DACH2: variants seen among roughly 807,000 people sequenced by gnomAD.
DACH2 encodes the protein dachshund family transcription factor 2.
DACH2 carries 17 observed loss-of-function variants against 35.8 expected under a neutral mutation model. That is an observed-to-expected ratio of 0.48 (90% CI 0.33 to 0.71). DACH2 has a LOEUF of 0.71. Among genes scored for constraint, DACH2 ranks in the 30% least tolerant of loss-of-function variants. The pLI, the probability that DACH2 is intolerant of heterozygous loss-of-function variation, is 0.02. For missense variants in DACH2, 469 were observed against 472.7 expected, an observed-to-expected ratio of 0.99 and a Z score of 0.07; for synonymous variants, 195 against 177.3, an observed-to-expected ratio of 1.10 and a Z score of -0.79.
intron 1 of DACH2, among the ~76,000 whole-genome samples, chrX:86,342,083 G>A (rs760525878): frequency 1.1e-4 from 12 of 111,926 alleles, no homozygotes; most frequent in Non-Finnish European, 2.1e-4. Context: ...TGAGAGGACT[G>A]AATCCAATTT....
intron 2 of DACH2, among the ~76,000 whole-genome samples, chrX:86,410,843 T>C (rs952502331): frequency 9.3e-6 from 1 of 107,050 alleles, no homozygotes; most frequent in Non-Finnish European, 1.9e-5. Context: ...TCATGTTCAC[T>C]GTCCTGACCT....
intron 1 of DACH2, among the ~76,000 whole-genome samples, chrX:86,288,227 T>C (rs1441892730): frequency 9.0e-6 from 1 of 110,895 alleles, no homozygotes; most frequent in Non-Finnish European, 1.9e-5. Flanking sequence ...TCCCTTACTA[T>C]CTCCCAAGAA....
chrX:86,362,414 A>G (rs1008049995), intron 1 of DACH2, among the ~76,000 whole-genome samples: 5 of 111,789 alleles, frequency 4.5e-5, no homozygotes, highest in Admixed American at 2.9e-4. Context: ...AAATTGGCTA[A>G]AATGTAGAGG....
intron 1 of DACH2, among the ~76,000 whole-genome samples, chrX:86,199,811 GA>G (rs1041539488): frequency 8.1e-5 from 9 of 111,790 alleles, no homozygotes; most frequent in African/African-American, 2.3e-4. Flanking sequence ...CAAACAAATG[GA>G]AAAACATTTC....
At chrX:86,224,518 A>G (rs1289684548) in intron 1 of DACH2, among the ~76,000 whole-genome samples, 1 of 111,339 alleles carries the variant, frequency 9.0e-6, no homozygotes, top group Non-Finnish European at 1.9e-5. Flanking sequence ...ATTAATAGCC[A>G]TCCCTATTCT....
intron 1 of DACH2, among the ~76,000 whole-genome samples, chrX:86,296,104 G>A: frequency 9.1e-6 from 1 of 110,025 alleles, no homozygotes; most frequent in East Asian, 2.8e-4. Flanking sequence ...TCTTGGCCGG[G>A]CGAGGTGGCT....
At chrX:86,534,404 A>G (rs1166614174) in intron 3 of DACH2, among the ~76,000 whole-genome samples, 1 of 112,513 alleles carries the variant, frequency 8.9e-6, no homozygotes, top group Non-Finnish European at 1.9e-5. Flanking sequence ...TTGGATGACA[A>G]GATGACACAC....
chrX:86,767,616 A>G (rs1315538101), intron 7 of DACH2, among the ~76,000 whole-genome samples: 2 of 112,232 alleles, frequency 1.8e-5, no homozygotes, highest in African/African-American at 6.5e-5. Context: ...GCCACTGTGT[A>G]TATTCTCTTT....
chrX:86,690,146 T>C (rs776550562), intron 4 of DACH2, among the ~76,000 whole-genome samples: 109 of 111,961 alleles, frequency 9.7e-4, no homozygotes, highest in Non-Finnish European at 1.5e-3. Flanking sequence ...AACAACACGG[T>C]GCTAAGGTGA....
chrX:86,209,938 ATGG>A (rs1437418651), intron 1 of DACH2, among the ~76,000 whole-genome samples: 2 of 111,669 alleles, frequency 1.8e-5, no homozygotes, highest in Non-Finnish European at 3.8e-5. Context: ...ACCACCTACT[ATGG>A]GCTTTAGCTT....
At chrX:86,618,664 T>C (rs1602706267) in intron 3 of DACH2, among the ~76,000 whole-genome samples, 1 of 112,189 alleles carries the variant, frequency 8.9e-6, no homozygotes, top group East Asian at 2.8e-4. Flanking sequence ...AATAACCAAA[T>C]AGATATATGT....
chrX:86,811,108 C>T (rs1476035567), intron 7 of DACH2, among the ~76,000 whole-genome samples: 1 of 111,747 alleles, frequency 8.9e-6, no homozygotes, highest in Non-Finnish European at 1.9e-5. Context: ...AACAAATGCT[C>T]TTTTTAATAT....
intron 3 of DACH2, among the ~76,000 whole-genome samples, chrX:86,588,931 T>C (rs2039609007): frequency 9.0e-6 from 1 of 111,697 alleles, no homozygotes; most frequent in Admixed American, 9.6e-5. Context: ...TGCATCCTCA[T>C]GTTGTTCCCC....
intron 2 of DACH2, among the ~76,000 whole-genome samples, chrX:86,460,757 A>C (rs1292043845): frequency 1.8e-5 from 2 of 111,094 alleles, no homozygotes; most frequent in Non-Finnish European, 3.8e-5. Flanking sequence ...ACATTAAGCA[A>C]GGAAACTTAC....
At chrX:86,149,797 A>G (rs937288832) in intron 1 of DACH2, among the ~76,000 whole-genome samples, 1 of 112,423 alleles carries the variant, frequency 8.9e-6, no homozygotes, top group Non-Finnish European at 1.9e-5. Flanking sequence ...AAGGACGACG[A>G]CAAATATCAC....
intron 2 of DACH2, among the ~76,000 whole-genome samples, chrX:86,505,904 C>A (rs975807824): frequency 1.8e-5 from 2 of 111,729 alleles, no homozygotes; most frequent in African/African-American, 6.5e-5. Flanking sequence ...TGATCAAATT[C>A]ATAGATTATT....
At chrX:86,391,141 G>A (rs2036194518) in intron 2 of DACH2, among the ~76,000 whole-genome samples, 1 of 105,607 alleles carries the variant, frequency 9.5e-6, no homozygotes, top group Non-Finnish European at 1.9e-5. Flanking sequence ...AGTTAGCCAG[G>A]TGTGGTGGTA....
intron 3 of DACH2, among the ~76,000 whole-genome samples, chrX:86,555,872 G>A (rs1052347119): frequency 5.4e-5 from 6 of 111,380 alleles, no homozygotes; most frequent in African/African-American, 2.0e-4. Flanking sequence ...CTAATATCAT[G>A]TGAAGCACAA....
chrX:86,714,784 T>A (rs1260661973), intron 6 of DACH2, 64 bp downstream of exon 6: 5 of 988,762 alleles, frequency 5.1e-6, no homozygotes, highest in Non-Finnish European at 5.5e-6. Context: ...ATAAAATATT[T>A]ACAATCCCAC....
Sources: allele counts gnomAD v4.1 joint callset (sites outside exome capture counted in the v4.1 genomes callset), GRCh38; gene constraint gnomAD v4.1.1; transcripts MANE v1.5; gene names NCBI Gene and HGNC (gene_info 2026-07-23, HGNC 2026-07-21).